Variants in CACNB2 observed in about 807,000 individuals in gnomAD.
The protein encoded by CACNB2 is voltage-dependent L-type calcium channel subunit beta-2.
In CACNB2, 42 loss-of-function variants were observed where a neutral mutation model predicts 73.3. The observed-to-expected ratio is 0.57, with a 90% CI of 0.45 to 0.74. The LOEUF is 0.74. CACNB2 is among the 30% of genes least tolerant of loss of function. CACNB2 has a pLI of 0.00. For synonymous variants in CACNB2, 348 were observed against 310.3 expected (o/e 1.12, Z -1.28); for missense variants, 940 against 853.0 (o/e 1.10, Z -1.27).
At chr10:18,421,205 C>G (rs1369776666) in intron 3 of CACNB2, among the ~76,000 whole-genome samples, 1 of 141,628 alleles carries the variant, frequency 7.1e-6, no homozygotes, top group Non-Finnish European at 1.5e-5. Flanking sequence ...TGACATTTTT[C>G]TTTAAATTTC....
At chr10:18,435,801 C>T (rs1358764405) in intron 3 of CACNB2, among the ~76,000 whole-genome samples, 1 of 152,008 alleles carries the variant, frequency 6.6e-6, no homozygotes, top group Admixed American at 6.6e-5. Context: ...CACCTGCCCC[C>T]CAACCAACCC....
chr10:18,459,181 T>C (rs1421702988), intron 3 of CACNB2, among the ~76,000 whole-genome samples: 1 of 152,214 alleles, frequency 6.6e-6, no homozygotes, highest in African/African-American at 2.4e-5. Flanking sequence ...TTTTGGCTTC[T>C]GTCAAAAGAA....
At chr10:18,398,685 AC>A (rs2043834416) in intron 2 of CACNB2, among the ~76,000 whole-genome samples, 2 of 80,924 alleles carry the variant, frequency 2.5e-5, no homozygotes, top group South Asian at 4.0e-4. Context: ...ACACACACAC[AC>A]ACACATACAC....
chr10:18,279,266 C>T (rs1231516367), intron 2 of CACNB2, among the ~76,000 whole-genome samples: 1 of 152,176 alleles, frequency 6.6e-6, no homozygotes, highest in Admixed American at 6.5e-5. Flanking sequence ...CTCCCCATTT[C>T]CTTTTTTCTC....
chr10:18,220,154 T>C (rs759781912), intron 2 of CACNB2, among the ~76,000 whole-genome samples: 12,755 of 33,634 alleles, frequency 0.38, 3,364 homozygotes, highest in African/African-American at 0.62. Flanking sequence ...TATATATATA[T>C]ACACACACAC....
chr10:18,514,020 G>A (rs2051030681), intron 6 of CACNB2, among the ~76,000 whole-genome samples: 1 of 152,148 alleles, frequency 6.6e-6, no homozygotes, highest in Admixed American at 6.5e-5. Flanking sequence ...ATTCATTCAA[G>A]CAAACAGATT....
At chr10:18,235,534 C>A (rs60475876) in intron 2 of CACNB2, among the ~76,000 whole-genome samples, 7,186 of 152,218 alleles carry the variant, frequency 0.047, 587 homozygotes, top group African/African-American at 0.16. Flanking sequence ...AATAATAAAA[C>A]AACACAGTTT....
At chr10:18,453,457 A>G (rs913344242) in intron 3 of CACNB2, among the ~76,000 whole-genome samples, 14 of 152,006 alleles carry the variant, frequency 9.2e-5, no homozygotes, top group African/African-American at 2.9e-4. Context: ...CTGTCCCTCC[A>G]TGAGGCTTGG....
At chr10:18,382,677 A>G (rs2043067875) in intron 2 of CACNB2, among the ~76,000 whole-genome samples, 1 of 152,152 alleles carries the variant, frequency 6.6e-6, no homozygotes, top group African/African-American at 2.4e-5. Context: ...GCTGAGGATC[A>G]TGGCTTCTAG....
intron 2 of CACNB2, among the ~76,000 whole-genome samples, chr10:18,345,185 T>A (rs2132096194): frequency 6.6e-6 from 1 of 152,368 alleles, no homozygotes; most frequent in African/African-American, 2.4e-5. Context: ...AATTATCAGA[T>A]GTGGAATTAT....
chr10:18,386,399 A>G lies in CACNB2; in HGVS notation c.214-15525A>G, dbSNP rs372898026. ...CTTTACTGTTGCTCTTTTATTTATG[A>G]TTTTTTTTTTTTTTTTTTTTTGAGA... On this transcript the variant is annotated intron_variant, in intron 2 of 13. Coordinates refer to ENST00000324631, the MANE Select transcript of CACNB2 (RefSeq NM_201596.3). Among the ~76,000 whole-genome samples, 17 of 106,518 alleles carry G rather than the reference A, an allele frequency of 1.6e-4. No individual in the cohort carries two copies. The South Asian group carries it at 1.9e-3, about 12-fold the overall frequency. 69.9% of individuals were successfully genotyped at this position (106,518 alleles called of 152,430 possible).
At chr10:18,252,875 G>T (rs76619990) in intron 2 of CACNB2, among the ~76,000 whole-genome samples, 1 of 152,312 alleles carries the variant, frequency 6.6e-6, no homozygotes, top group African/African-American at 2.4e-5. Context: ...AGGCAGGTAG[G>T]CAGATGATGG....
intron 6 of CACNB2, among the ~76,000 whole-genome samples, chr10:18,509,031 A>T (rs1426971275): frequency 1.3e-5 from 2 of 152,226 alleles, no homozygotes; most frequent in African/African-American, 4.8e-5. Flanking sequence ...TTTTGTAGAG[A>T]TACACCAACT....
At chr10:18,385,500 G>T (rs1056170058) in intron 2 of CACNB2, among the ~76,000 whole-genome samples, 2 of 150,198 alleles carry the variant, frequency 1.3e-5, no homozygotes, top group African/African-American at 4.9e-5. Context: ...GGTGGTGTGT[G>T]CCTCTAATCC....
intron 2 of CACNB2, among the ~76,000 whole-genome samples, chr10:18,362,135 T>A (rs1156619479): frequency 6.6e-6 from 1 of 152,196 alleles, no homozygotes; most frequent in Admixed American, 6.5e-5. Flanking sequence ...TAACACTCAG[T>A]TTATCTAGCA....
chr10:18,315,521 A>C (rs1589021933), intron 2 of CACNB2, among the ~76,000 whole-genome samples: 1 of 131,124 alleles, frequency 7.6e-6, no homozygotes, highest in African/African-American at 2.9e-5. Context: ...AAAAAAAAAA[A>C]AAAAAAACTT....
In CACNB2 at chr10:18,141,150, C is replaced by T. The variant is rs1490969254; in HGVS notation, c.120+294C>T. 5 of 1,550,426 alleles carry T rather than the reference C, an allele frequency of 3.2e-6. No homozygotes were observed. The Admixed American group carries it at 9.8e-5, about 30-fold the overall frequency. ...GGGTTGCTCCAGCTGGCCCTCCTCGCCCCTTCCCGGGAGAGGCACATGGAG... is the reference window on the plus strand; with the variant it reads ...GGGTTGCTCCAGCTGGCCCTCCTCGTCCCTTCCCGGGAGAGGCACATGGAG... On this transcript the variant is annotated intron_variant, in intron 1 of 13. Coordinates refer to ENST00000324631, the MANE Select transcript of CACNB2 (RefSeq NM_201596.3).
chr10:18,482,381 G>C (rs2048826437), intron 3 of CACNB2, among the ~76,000 whole-genome samples: 2 of 152,164 alleles, frequency 1.3e-5, no homozygotes, highest in Admixed American at 6.5e-5. Context: ...GGGAAGTTCA[G>C]ATTACTACCC....
chr10:18,236,073 A>G (rs2036431715), intron 2 of CACNB2, among the ~76,000 whole-genome samples: 1 of 152,128 alleles, frequency 6.6e-6, no homozygotes, highest in Non-Finnish European at 1.5e-5. Context: ...TTTCCTGTAC[A>G]GCCTGTGGAA....
Sources: allele counts gnomAD v4.1 joint callset (sites outside exome capture counted in the v4.1 genomes callset), GRCh38; gene constraint gnomAD v4.1.1; transcripts MANE v1.5; gene names NCBI Gene and HGNC (gene_info 2026-07-23, HGNC 2026-07-21).